TMTC2: variants seen among roughly 807,000 people sequenced by gnomAD.
TMTC2 encodes the protein transmembrane O-mannosyltransferase targeting cadherins 2.
A neutral mutation model predicts 82.4 loss-of-function variants in TMTC2; 43 were observed. That is an observed-to-expected ratio of 0.52 (90% confidence interval 0.41 to 0.67). The LOEUF (loss-of-function observed/expected upper bound fraction) is 0.67. Among genes scored for constraint, TMTC2 ranks in the 30% least tolerant of loss-of-function variants. The probability of loss-of-function intolerance (pLI) is 0.00; values close to 1 mark genes in which losing one functional copy is unlikely to be tolerated. For synonymous variants in TMTC2, 408 were observed against 381.9 expected (o/e 1.07, Z -0.80); for missense variants, 919 against 1,012.4 (o/e 0.91, Z 1.25).
At chr12:82,696,903 A>G (rs1369817718) in intron 1 of TMTC2, among the ~76,000 whole-genome samples, 1 of 151,272 alleles carries the variant, frequency 6.6e-6, no homozygotes, top group African/African-American at 2.4e-5. Flanking sequence ...AGCTAGAAGC[A>G]TCTCCCTAAA....
chr12:83,061,583 A>G (rs1010415861), intron 10 of TMTC2, among the ~76,000 whole-genome samples, 185 bp from the exon 11 acceptor site: 3 of 151,760 alleles, frequency 2.0e-5, no homozygotes, highest in Admixed American at 1.3e-4. Flanking sequence ...TACTATTTAT[A>G]ATGCCTTAAA....
chr12:83,118,868 C>T (rs1215648980), intron 11 of TMTC2, among the ~76,000 whole-genome samples: 1 of 152,074 alleles, frequency 6.6e-6, no homozygotes, highest in African/African-American at 2.4e-5. Flanking sequence ...TCTAATTCTT[C>T]CTGATTTAAG....
rs758139779 is a variant in TMTC2, at chr12:83,132,217, C to T, written c.2339C>T (p.Ala780Val). The T allele has an allele frequency of 6.2e-7, 1 of 1,605,692 alleles. No homozygotes were observed. ...LAARLRPNYP[A>V]ALMNLGAILH... ...TTCTTTCTCTTGTTGCAGTATCCGG[C>T]TGCTTTGATGAACCTGGGAGCCATT... Residue 780 changes from alanine (A) to valine (V), a missense_variant, in exon 12 of 12, where the codon GCT (alanine) becomes GTT (valine). By Grantham distance (64) the Ala-to-Val change is moderately conservative. Coordinates refer to ENST00000321196, the MANE Select transcript of TMTC2 (RefSeq NM_152588.3).
At chr12:82,869,533 A>C (rs1872056207) in intron 2 of TMTC2, among the ~76,000 whole-genome samples, 1 of 152,110 alleles carries the variant, frequency 6.6e-6, no homozygotes, top group Non-Finnish European at 1.5e-5. Flanking sequence ...CATCTCCACA[A>C]CACCACCCTC....
At chr12:82,851,471 A>G (rs1870972971) in intron 1 of TMTC2, among the ~76,000 whole-genome samples, 2 of 152,196 alleles carry the variant, frequency 1.3e-5, no homozygotes, top group Admixed American at 1.3e-4. Flanking sequence ...TACTCACATT[A>G]TATTGCATGT....
At chr12:82,918,965 C>T (rs1875205533) in intron 3 of TMTC2, among the ~76,000 whole-genome samples, 1 of 152,178 alleles carries the variant, frequency 6.6e-6, no homozygotes, top group African/African-American at 2.4e-5. Context: ...ACCATGTTGG[C>T]CAGGCTGGTC....
intron 8 of TMTC2, among the ~76,000 whole-genome samples, chr12:83,000,761 G>C (rs558328546): frequency 1.5e-3 from 232 of 152,312 alleles, no homozygotes; most frequent in African/African-American, 5.3e-3. Flanking sequence ...CCTAGCAGAG[G>C]TCCTTCATGA....
chr12:82,728,239 C>A (rs1362483636), intron 1 of TMTC2, among the ~76,000 whole-genome samples: 2 of 151,792 alleles, frequency 1.3e-5, no homozygotes, highest in Non-Finnish European at 2.9e-5. Context: ...AGAGATGAGT[C>A]CTATTCTGTT....
At chr12:82,817,150 G>A (rs1868789175) in intron 1 of TMTC2, among the ~76,000 whole-genome samples, 1 of 151,726 alleles carries the variant, frequency 6.6e-6, no homozygotes. Flanking sequence ...TGTATTTTTA[G>A]GAGAGATGGG....
chr12:83,079,097 G>A (rs1883379966), intron 11 of TMTC2, among the ~76,000 whole-genome samples: 1 of 152,118 alleles, frequency 6.6e-6, no homozygotes, highest in Non-Finnish European at 1.5e-5. Flanking sequence ...AGGAAGAGAT[G>A]AGAACAGGTC....
chr12:82,751,745 A>G (rs925739948), intron 1 of TMTC2, among the ~76,000 whole-genome samples: 1 of 152,168 alleles, frequency 6.6e-6, no homozygotes, highest in Non-Finnish European at 1.5e-5. Context: ...ATTCTCTGAT[A>G]CATTCAATGT....
intron 1 of TMTC2, among the ~76,000 whole-genome samples, chr12:82,798,357 C>T (rs76666544): frequency 0.26 from 38,685 of 147,830 alleles, 5,137 homozygotes; most frequent in Middle Eastern, 0.42. Flanking sequence ...GGATGGCGGG[C>T]GTGGTGGCGG....
At chr12:82,851,687 T>A (rs1185613155) in intron 1 of TMTC2, among the ~76,000 whole-genome samples, 1 of 152,228 alleles carries the variant, frequency 6.6e-6, no homozygotes, top group Non-Finnish European at 1.5e-5. Context: ...AAGGCCAGTC[T>A]TTTTTCTTAT....
At chr12:82,831,914 C>T (rs988611863) in intron 1 of TMTC2, among the ~76,000 whole-genome samples, 3 of 151,994 alleles carry the variant, frequency 2.0e-5, no homozygotes, top group Non-Finnish European at 4.4e-5. Context: ...TTGATGAGGC[C>T]GAAAAATGTG....
intron 2 of TMTC2, among the ~76,000 whole-genome samples, chr12:82,888,086 AT>A (rs1873196736): frequency 6.6e-6 from 1 of 152,178 alleles, no homozygotes; most frequent in African/African-American, 2.4e-5. Flanking sequence ...TCTCAAAAAA[AT>A]AAAATAAAAT....
chr12:83,046,992 C>T (rs1291969514), intron 9 of TMTC2, among the ~76,000 whole-genome samples: 5 of 152,250 alleles, frequency 3.3e-5, no homozygotes, highest in African/African-American at 1.2e-4. Context: ...TCTAAGAAGG[C>T]GTCACTAAGA....
At chr12:82,954,937 C>T (rs1226064089) in intron 4 of TMTC2, among the ~76,000 whole-genome samples, 5 of 152,112 alleles carry the variant, frequency 3.3e-5, no homozygotes, top group African/African-American at 1.2e-4. Context: ...GTAGGTTAGA[C>T]TTTTTAATGA....
At chr12:83,000,813 C>A (rs1323499562) in intron 8 of TMTC2, among the ~76,000 whole-genome samples, 1 of 152,306 alleles carries the variant, frequency 6.6e-6, no homozygotes, top group East Asian at 1.9e-4. Flanking sequence ...GTCATCCAGG[C>A]ATTTACATAC....
chr12:82,712,523 AG>A, intron 1 of TMTC2, among the ~76,000 whole-genome samples: 1 of 150,824 alleles, frequency 6.6e-6, no homozygotes. Flanking sequence ...TGGACACAGG[AG>A]GGGTCTCCAA....
Sources: gnomAD v4.1 joint callset for allele counts (sites outside exome capture counted in the v4.1 genomes callset) on GRCh38, gnomAD v4.1.1 for gene constraint, MANE v1.5 for transcripts, NCBI Gene and HGNC (gene_info 2026-07-23, HGNC 2026-07-21) for gene names.